The following PCDHGA4 variants were observed in gnomAD, a reference collection of about 807,000 sequenced individuals.
PCDHGA4 encodes the protein protocadherin gamma-A4.
In PCDHGA4, 38 loss-of-function variants were observed where a neutral mutation model predicts 54.6. The observed-to-expected ratio is 0.70, with a 90% CI of 0.54 to 0.91. The LOEUF (loss-of-function observed/expected upper bound fraction) is 0.91. PCDHGA4 is among the 40% of genes least tolerant of loss of function. The pLI, the probability that PCDHGA4 is intolerant of heterozygous loss-of-function variation, is 0.00. For synonymous variants in PCDHGA4, 511 were observed against 512.9 expected (o/e 1.00, Z 0.05); for missense variants, 1,298 against 1,220.9 (o/e 1.06, Z -0.94).
At chr5:141,419,439 C>G (rs375537017) in intron 1 of PCDHGA4, 1 of 1,613,154 alleles carries the variant, frequency 6.2e-7, no homozygotes, top group Non-Finnish European at 8.5e-7. Context: ...CAGCTGCGCA[C>G]CTTCGAGCTC....
At chr5:141,369,807 C>A (rs998139632) in intron 1 of PCDHGA4, among the ~76,000 whole-genome samples, 1 of 152,130 alleles carries the variant, frequency 6.6e-6, no homozygotes, top group Non-Finnish European at 1.5e-5. Flanking sequence ...CTGCCATCAC[C>A]AAAAATAGCT....
At chr5:141,467,060 T>C (rs1304506319) in intron 1 of PCDHGA4, among the ~76,000 whole-genome samples, 1 of 151,520 alleles carries the variant, frequency 6.6e-6, no homozygotes, top group Non-Finnish European at 1.5e-5. Context: ...GTTTTCTTTT[T>C]TTTTTTTTTT....
chr5:141,434,924 A>G (rs2097731722), intron 1 of PCDHGA4, among the ~76,000 whole-genome samples: 1 of 151,756 alleles, frequency 6.6e-6, no homozygotes, highest in African/African-American at 2.4e-5. Context: ...ATGTACATAT[A>G]TTTTATATAA....
intron 1 of PCDHGA4, among the ~76,000 whole-genome samples, chr5:141,482,794 G>A (rs374042779): frequency 6.2e-5 from 8 of 129,246 alleles, no homozygotes; most frequent in Non-Finnish European, 8.1e-5. Flanking sequence ...GTGTGTGGCC[G>A]GGTACGGTGG....
At chr5:141,412,084 G>C (rs1199665555) in intron 1 of PCDHGA4, 1 of 152,170 alleles carries the variant, frequency 6.6e-6, no homozygotes, top group East Asian at 1.9e-4. Flanking sequence ...ATTGCTACTG[G>C]GTTGATGGGC....
chr5:141,510,954 T>G lies in PCDHGA4; in HGVS notation c.2670T>G (p.Ala890=), dbSNP rs774590102. The change falls in exon 4 of 4, where the codon GCT becomes GCG. Residue 890 remains alanine, a synonymous_variant. Coordinates refer to ENST00000571252, the MANE Select transcript of PCDHGA4 (RefSeq NM_018917.4). ...AMILASASEA[A]DGSSTLGGGA... ...CTTCCTCTGTCTCTGCAGAAGCTGC[T>G]GATGGGAGCTCCACCCTGGGAGGGG... is the stretch of plus-strand genomic sequence containing the variant. The G allele has an allele frequency of 3.1e-6, 5 of 1,614,162 alleles. No homozygotes were observed. The Admixed American group carries it at 8.3e-5, about 27-fold the overall frequency.
chr5:141,410,090 C>G (rs369832481), intron 1 of PCDHGA4: 3 of 1,612,358 alleles, frequency 1.9e-6, no homozygotes, highest in South Asian at 2.2e-5. Context: ...GCGCACGGCT[C>G]GAGCCTTAGG....
At chr5:141,510,828 C>T in intron 3 of PCDHGA4, 119 bp from the exon 4 acceptor site, 18 of 1,572,154 alleles carry the variant, frequency 1.1e-5, no homozygotes, top group Non-Finnish European at 1.6e-5. Context: ...ATTCCCAGTG[C>T]TCAGCGTGGT....
In PCDHGA4 at chr5:141,486,157, AG is replaced by A. The variant is rs1562110605; in HGVS notation, c.2515-8649del. 1 of 1,614,208 alleles carries A rather than the reference AG, an allele frequency of 6.2e-7. No homozygotes were observed. Among genetic ancestry groups the A allele is most frequent in the Admixed American group, 1.7e-5 (1 of 60,026 alleles). On this transcript the variant is annotated intron_variant, in intron 1 of 3. Coordinates refer to ENST00000571252, the MANE Select transcript of PCDHGA4 (RefSeq NM_018917.4). This position sits in a 1 kb window ranked among gnomAD's most constrained non-coding sequence, Gnocchi z 5.0. ...TGCGGGCTCGCGATGGGGGTTCTCC[AG>A]CCATGGAGCAACATTGCAGCCTTCG...
chr5:141,372,554 A>T, intron 1 of PCDHGA4: 1 of 1,612,360 alleles, frequency 6.2e-7, no homozygotes, highest in Non-Finnish European at 8.5e-7. Flanking sequence ...GCTCCTCCAG[A>T]CCCGCCACTG....
At chr5:141,450,134 G>A (rs1267554616) in intron 1 of PCDHGA4, among the ~76,000 whole-genome samples, 1 of 151,424 alleles carries the variant, frequency 6.6e-6, no homozygotes, top group East Asian at 2.0e-4. Context: ...AGCCTCCTGA[G>A]TAGCTGGGAC....
Position 141,378,904 on chromosome 5 carries a change from T to C in PCDHGA4, c.2514+21283T>C, listed in dbSNP as rs947498432. 2.0e-5 allele frequency: 3 copies of C among 152,224 alleles called. 1 individual carries two copies. Among genetic ancestry groups the C allele is most frequent in the Non-Finnish European group, 4.4e-5 (3 of 68,030 alleles). 9.4% of individuals were successfully genotyped at this position (152,224 alleles called of 1,614,324 possible). A position where few individuals can be genotyped will look rare whatever the true frequency, so the allele number is the denominator to read the frequency against. ...ACTAAGGAGATAGGAGATTCTGTTA[T>C]CGACAGTCTTCAAAAGTAAGTTGAT... On this transcript the variant is annotated intron_variant, in intron 1 of 3. Transcript: ENST00000571252.
chr5:141,489,636 C>T lies in PCDHGA4; in HGVS notation c.2515-5171C>T. On this transcript the variant is annotated intron_variant, in intron 1 of 3. Coordinates refer to ENST00000571252, the MANE Select transcript of PCDHGA4 (RefSeq NM_018917.4). The surrounding 1 kb of genome is among the most constrained non-coding windows in gnomAD (Gnocchi z 4.5). ...TGGATCTCAATGACAACTCTCCTAG[C>T]TTTGCCACCCCTGAGCGAGAGATGC... 1.2e-6 allele frequency: 2 copies of T among 1,614,190 alleles called. No homozygotes were observed. The highest frequency in any genetic ancestry group is 1.7e-6 in the Non-Finnish European group (2 of 1,180,030).
At chr5:141,413,151 T>C (rs1192899612) in intron 1 of PCDHGA4, 5 of 1,573,560 alleles carry the variant, frequency 3.2e-6, no homozygotes, top group South Asian at 1.2e-5. Context: ...GTGAGGACTT[T>C]GCAGAATTCT....
At chr5:141,435,803 T>C (rs551682061) in intron 1 of PCDHGA4, among the ~76,000 whole-genome samples, 1 of 152,178 alleles carries the variant, frequency 6.6e-6, no homozygotes, top group South Asian at 2.1e-4. Context: ...ACGTCCCAAT[T>C]ATTTTTTCTT....
At chr5:141,456,723 G>A (rs1005891499) in intron 1 of PCDHGA4, among the ~76,000 whole-genome samples, 3 of 152,196 alleles carry the variant, frequency 2.0e-5, no homozygotes, top group Admixed American at 6.5e-5. Flanking sequence ...CCAGCACTTT[G>A]GGAGGCTGAG....
intron 1 of PCDHGA4, among the ~76,000 whole-genome samples, chr5:141,469,172 A>C (rs1310781965): frequency 6.6e-6 from 1 of 152,050 alleles, no homozygotes; most frequent in Admixed American, 6.6e-5. Context: ...GCTACTTGGG[A>C]GGCTGAGGCA....
At chr5:141,400,830 T>G (rs1194053653) in intron 1 of PCDHGA4, among the ~76,000 whole-genome samples, 2 of 152,244 alleles carry the variant, frequency 1.3e-5, no homozygotes, top group African/African-American at 2.4e-5. Flanking sequence ...GTTGTCTCAT[T>G]CTTTAACATG....
At chr5:141,430,716 G>T (rs1327065498) in intron 1 of PCDHGA4, 2 of 1,487,962 alleles carry the variant, frequency 1.3e-6, no homozygotes, top group African/African-American at 2.8e-5. Context: ...CCTGACTTCA[G>T]TGGTTAAGGG....
Sources: allele counts gnomAD v4.1 joint callset (sites outside exome capture counted in the v4.1 genomes callset), GRCh38; gene constraint gnomAD v4.1.1; non-coding constraint Gnocchi (gnomAD v3.1); transcripts MANE v1.5; gene names NCBI Gene and HGNC (gene_info 2026-07-23, HGNC 2026-07-21).